The following STXBP5L variants were observed in gnomAD, a reference collection of about 807,000 sequenced individuals.
STXBP5L encodes the protein syntaxin binding protein 5L, also known as syntaxin-binding protein 5-like.
In STXBP5L, 65 loss-of-function variants were observed where a neutral mutation model predicts 144.5. The observed-to-expected ratio is 0.45, with a 90% CI of 0.37 to 0.55. The LOEUF (loss-of-function observed/expected upper bound fraction) is 0.55, where lower values mean the gene tolerates loss of function less well. STXBP5L is among the 20% of genes least tolerant of loss of function. The pLI is 0.00. For missense variants in STXBP5L, 1,298 were observed against 1,405.5 expected, an observed-to-expected ratio of 0.92 and a Z score of 1.22; for synonymous variants, 505 against 469.6, an observed-to-expected ratio of 1.08 and a Z score of -0.97.
intron 20 of STXBP5L, among the ~76,000 whole-genome samples, chr3:121,366,364 A>C (rs1357727494): frequency 1.3e-5 from 2 of 152,022 alleles, no homozygotes; most frequent in Non-Finnish European, 2.9e-5. Context: ...TTGTACAACT[A>C]TTATAGAACT....
At chr3:121,376,452 G>A (rs1319945783) in intron 20 of STXBP5L, among the ~76,000 whole-genome samples, 1 of 152,164 alleles carries the variant, frequency 6.6e-6, no homozygotes, top group African/African-American at 2.4e-5. Flanking sequence ...TCTGTATACG[G>A]CTAGCCGGTT....
intron 3 of STXBP5L, among the ~76,000 whole-genome samples, chr3:121,009,801 C>T (rs1370755528): frequency 6.6e-6 from 1 of 151,706 alleles, no homozygotes; most frequent in East Asian, 1.9e-4. Context: ...TTTTCTAGAT[C>T]ATCTATTTAG....
At chr3:121,169,168 T>C (rs957646134) in intron 9 of STXBP5L, among the ~76,000 whole-genome samples, 4 of 152,172 alleles carry the variant, frequency 2.6e-5, no homozygotes, top group African/African-American at 7.2e-5. Context: ...CAGGCCTGCC[T>C]TACAAGTGCT....
At chr3:121,109,750 G>A (rs151245105) in intron 5 of STXBP5L, among the ~76,000 whole-genome samples, 180 of 152,300 alleles carry the variant, frequency 1.2e-3, no homozygotes, top group African/African-American at 4.2e-3. Context: ...CCAGAGCTGA[G>A]TTTGAGTCCT....
At chr3:121,287,872 C>T (rs2051287500) in intron 19 of STXBP5L, among the ~76,000 whole-genome samples, 1 of 152,014 alleles carries the variant, frequency 6.6e-6, no homozygotes, top group East Asian at 1.9e-4. Flanking sequence ...GAAAACATTG[C>T]TAAGAAAAGT....
chr3:121,091,854 C>A, intron 5 of STXBP5L, among the ~76,000 whole-genome samples: 2 of 152,212 alleles, frequency 1.3e-5, no homozygotes, highest in Middle Eastern at 3.4e-3. Context: ...CTTGCCCATG[C>A]CTATGTCCTG....
intron 7 of STXBP5L, among the ~76,000 whole-genome samples, chr3:121,135,023 CA>C (rs2045181395): frequency 6.6e-6 from 1 of 152,218 alleles, no homozygotes; most frequent in African/African-American, 2.4e-5. Context: ...GTCCCACCAA[CA>C]GTGTAAAAGT....
At chr3:121,370,440 T>C (rs1396205961) in intron 20 of STXBP5L, among the ~76,000 whole-genome samples, 2 of 152,158 alleles carry the variant, frequency 1.3e-5, no homozygotes, top group African/African-American at 4.8e-5. Flanking sequence ...CTTTCCACCA[T>C]GATTGTAAGT....
chr3:121,332,825 A>G (rs931528771), intron 20 of STXBP5L, among the ~76,000 whole-genome samples: 1 of 152,078 alleles, frequency 6.6e-6, no homozygotes, highest in African/African-American at 2.4e-5. Flanking sequence ...TCATCAAGCT[A>G]TTTAAAGTCA....
chr3:121,024,136 G>A (rs1945759269), intron 3 of STXBP5L, among the ~76,000 whole-genome samples: 2 of 152,126 alleles, frequency 1.3e-5, no homozygotes, highest in Non-Finnish European at 2.9e-5. Flanking sequence ...CAAAAGAGAG[G>A]CCACAGACTT....
chr3:121,008,466 G>T (rs1016493611), intron 3 of STXBP5L, among the ~76,000 whole-genome samples: 1 of 152,080 alleles, frequency 6.6e-6, no homozygotes, highest in Middle Eastern at 3.4e-3. Flanking sequence ...GAGAATGATG[G>T]TATGAGGAAA....
At chr3:121,303,848 A>G (rs1195963229) in intron 19 of STXBP5L, among the ~76,000 whole-genome samples, 9 of 152,146 alleles carry the variant, frequency 5.9e-5, no homozygotes, top group African/African-American at 1.9e-4. Flanking sequence ...TGGACACAGG[A>G]AGGGGAACAT....
chr3:121,318,378 T>TA (rs377330916), intron 19 of STXBP5L, 97 bp from the exon 20 acceptor site: 31,933 of 761,106 alleles, frequency 0.042, 772 homozygotes, highest in Middle Eastern at 0.071. Context: ...AGTTTTCACA[T>TA]AAAAAAAAGC....
In STXBP5L at chr3:121,045,436, G is replaced by A. The variant is rs1947447636; in HGVS notation, c.371G>A (p.Gly124Asp). 6.2e-7 allele frequency: 1 copy of A among 1,603,194 alleles called. No individual in the cohort carries two copies. The highest frequency in any genetic ancestry group is 8.5e-7 in the Non-Finnish European group (1 of 1,175,586). Residue 124 changes from glycine to aspartate, a missense_variant and splice_region_variant, in exon 5 of 27, where the codon GGT becomes GAT. Gly to Asp is a moderately conservative substitution (Grantham distance 94). Coordinates refer to ENST00000471454, the MANE Select transcript of STXBP5L (RefSeq NM_001308330.2). ...TACTTTATCTTCTTTTTGTTCTAGG[G>A]TGCCTTGGTCAGTGCAAGTTCAGAT... ...VLQLQFLINE[G>D]ALVSASSDDT...
intron 2 of STXBP5L, among the ~76,000 whole-genome samples, chr3:120,911,632 G>T (rs962348276): frequency 6.6e-6 from 1 of 151,976 alleles, no homozygotes; most frequent in Non-Finnish European, 1.5e-5. Flanking sequence ...GTAAAATCAC[G>T]TGTTCATAGT....
intron 5 of STXBP5L, among the ~76,000 whole-genome samples, chr3:121,089,092 T>TAAAAAAA (rs375977537): frequency 2.0e-4 from 11 of 56,144 alleles, no homozygotes; most frequent in Non-Finnish European, 3.1e-4. Context: ...TAGAGTATAA[T>TAAAAAAA]AAAAAAAAAA....
intron 5 of STXBP5L, among the ~76,000 whole-genome samples, chr3:121,045,949 C>T (rs965530503): frequency 1.3e-5 from 2 of 152,038 alleles, no homozygotes; most frequent in Non-Finnish European, 2.9e-5. Flanking sequence ...TTTTGGTTTT[C>T]AAGGGGAATG....
intron 5 of STXBP5L, among the ~76,000 whole-genome samples, chr3:121,054,987 G>T (rs541650888): frequency 6.6e-6 from 1 of 152,120 alleles, no homozygotes; most frequent in African/African-American, 2.4e-5. Flanking sequence ...AGGAAGAATT[G>T]ATTAGTGGTG....
At chr3:121,311,449 G>T (rs546450014) in intron 19 of STXBP5L, among the ~76,000 whole-genome samples, 1 of 152,266 alleles carries the variant, frequency 6.6e-6, no homozygotes, top group Non-Finnish European at 1.5e-5. Context: ...TAAAAGTGTG[G>T]TATATCTTTA....
Sources: gnomAD v4.1 joint callset for allele counts (sites outside exome capture counted in the v4.1 genomes callset) on GRCh38, gnomAD v4.1.1 for gene constraint, MANE v1.5 for transcripts, NCBI Gene and HGNC (gene_info 2026-07-23, HGNC 2026-07-21) for gene names.